PCSK2: variants seen among roughly 807,000 people sequenced by gnomAD.
PCSK2 encodes proprotein convertase subtilisin/kexin type 2.
Under a neutral mutation model 69.7 loss-of-function variants are expected in PCSK2, and 14 were observed. That is an observed-to-expected ratio of 0.20 (90% CI 0.13 to 0.31). The LOEUF is 0.31. Among genes scored for constraint, PCSK2 ranks in the 10% least tolerant of loss-of-function variants. The pLI, the probability that PCSK2 is intolerant of heterozygous loss-of-function variation, is 1.00. For missense variants in PCSK2, 544 were observed against 842.5 expected, an observed-to-expected ratio of 0.65 and a Z score of 4.39; for synonymous variants, 307 against 320.7, an observed-to-expected ratio of 0.96 and a Z score of 0.46.
chr20:17,475,613 G>A (rs1450198359), intron 11 of PCSK2, among the ~76,000 whole-genome samples: 2 of 152,128 alleles, frequency 1.3e-5, no homozygotes, highest in Non-Finnish European at 2.9e-5. Flanking sequence ...TTTTCCACAA[G>A]GCAAGCAATG....
intron 5 of PCSK2, among the ~76,000 whole-genome samples, chr20:17,383,090 G>T (rs182260960): frequency 4.6e-5 from 7 of 152,172 alleles, no homozygotes; most frequent in Non-Finnish European, 1.0e-4. Flanking sequence ...CTCTTTATCC[G>T]CAGCACAGCA....
At chr20:17,275,975 T>TC (rs1368319977) in intron 2 of PCSK2, among the ~76,000 whole-genome samples, 1 of 152,136 alleles carries the variant, frequency 6.6e-6, no homozygotes, top group Non-Finnish European at 1.5e-5. Context: ...ATATTACTTA[T>TC]CTGAAAGGTT....
At chr20:17,318,912 T>C (rs982793783) in intron 2 of PCSK2, among the ~76,000 whole-genome samples, 1 of 152,210 alleles carries the variant, frequency 6.6e-6, no homozygotes, top group Non-Finnish European at 1.5e-5. Context: ...TCAATTCAGC[T>C]GCAATCAGAA....
intron 10 of PCSK2, among the ~76,000 whole-genome samples, chr20:17,458,130 A>C (rs552065712): frequency 1.2e-4 from 18 of 152,314 alleles, no homozygotes; most frequent in African/African-American, 4.1e-4. Context: ...AAGAGGAAAA[A>C]AATATAACAC....
intron 8 of PCSK2, among the ~76,000 whole-genome samples, chr20:17,439,920 CA>C (rs2032561842): frequency 2.0e-5 from 3 of 152,170 alleles, no homozygotes; most frequent in African/African-American, 7.2e-5. Context: ...TCACGGGTCC[CA>C]GGGGAAGGAA....
At chr20:17,435,277 T>C (rs1157193197) in intron 7 of PCSK2, among the ~76,000 whole-genome samples, 1 of 152,240 alleles carries the variant, frequency 6.6e-6, no homozygotes, top group Non-Finnish European at 1.5e-5. Context: ...CCAAGCATCA[T>C]GTTGATCCTC....
chr20:17,348,087 GAAAGAAAGAA>G (rs1568612749), intron 2 of PCSK2, among the ~76,000 whole-genome samples: 1 of 141,290 alleles, frequency 7.1e-6, no homozygotes, highest in East Asian at 2.1e-4. Context: ...AAGAAAGAAA[GAAAGAAAGAA>G]AGAAAGAAAA....
intron 1 of PCSK2, among the ~76,000 whole-genome samples, chr20:17,254,861 C>T (rs1275704777): frequency 6.6e-6 from 1 of 152,144 alleles, no homozygotes; most frequent in Non-Finnish European, 1.5e-5. Context: ...ATGCTTTGTA[C>T]TTTTCAGTGT....
chr20:17,261,089 T>C (rs1240350713), intron 2 of PCSK2, among the ~76,000 whole-genome samples: 3 of 152,156 alleles, frequency 2.0e-5, no homozygotes, highest in Non-Finnish European at 4.4e-5. Context: ...CCTTTCAGAA[T>C]AGGACCTTTA....
intron 11 of PCSK2, among the ~76,000 whole-genome samples, chr20:17,470,171 C>T (rs2033176102): frequency 6.6e-6 from 1 of 152,182 alleles, no homozygotes; most frequent in Admixed American, 6.5e-5. Flanking sequence ...AGAATAATTT[C>T]TTGAGAAATT....
chr20:17,289,212 C>A (rs186241523), intron 2 of PCSK2, among the ~76,000 whole-genome samples: 1 of 152,254 alleles, frequency 6.6e-6, no homozygotes, highest in African/African-American at 2.4e-5. Context: ...TAGTCAATAT[C>A]TAGGTTGAAG....
chr20:17,284,051 T>C (rs16998907), intron 2 of PCSK2, among the ~76,000 whole-genome samples: 13,322 of 152,232 alleles, frequency 0.088, 710 homozygotes, highest in African/African-American at 0.14. Flanking sequence ...AGCCCTGACT[T>C]TTGTGGGCAT....
chr20:17,380,572 C>T (rs144407249), intron 5 of PCSK2, among the ~76,000 whole-genome samples: 111 of 152,204 alleles, frequency 7.3e-4, no homozygotes, highest in African/African-American at 2.4e-3. Flanking sequence ...CTGATCTTAC[C>T]GGTGATTGTG....
intron 5 of PCSK2, among the ~76,000 whole-genome samples, chr20:17,373,568 A>C (rs2030837436): frequency 6.6e-6 from 1 of 152,196 alleles, no homozygotes; most frequent in African/African-American, 2.4e-5. Flanking sequence ...TAAAATAAAT[A>C]GACATGTTCT....
intron 7 of PCSK2, 56 bp downstream of exon 7, chr20:17,429,579 C>T (rs1462011171): frequency 8.7e-7 from 1 of 1,151,070 alleles, no homozygotes; most frequent in Non-Finnish European, 1.3e-6. Context: ...GATCTCAAGG[C>T]TGACTGTGGC....
chr20:17,412,198 T>C (rs183965820), intron 6 of PCSK2, among the ~76,000 whole-genome samples: 11 of 152,192 alleles, frequency 7.2e-5, no homozygotes, highest in African/African-American at 2.4e-4. Flanking sequence ...TTGACAGAAG[T>C]AGGCTTCAGA....
intron 2 of PCSK2, among the ~76,000 whole-genome samples, chr20:17,303,456 TAAATATAATATATATTATATA>T: frequency 1.8e-5 from 1 of 55,300 alleles, no homozygotes; most frequent in East Asian, 2.7e-4. Context: ...TATATTATAT[TAAATATAATATATATTATATA>T]TAATATATAT....
In PCSK2 at chr20:17,481,668, G is replaced by A. The variant is rs143437832; in HGVS notation, c.1515G>A (p.Glu505=). 242 of 1,614,150 alleles carry A rather than the reference G, an allele frequency of 1.5e-4. 1 individual carries two copies. In the African/African-American group the frequency reaches 2.4e-3, roughly 16 times the overall value. ...AGGAAAATTTTGTCCGCTACCTGGA[G>A]CATGTCCAGGCTGTCATCACGGTCA... ...EGKENFVRYL[E]HVQAVITVNA... Residue 505 remains glutamate, a synonymous_variant, in exon 12 of 12, where the codon GAG becomes GAA. Coordinates refer to ENST00000262545, the MANE Select transcript of PCSK2 (RefSeq NM_002594.5).
chr20:17,381,004 A>G (rs1263902492), intron 5 of PCSK2, among the ~76,000 whole-genome samples: 4 of 152,118 alleles, frequency 2.6e-5, no homozygotes, highest in Admixed American at 6.5e-5. Flanking sequence ...ACAAGCTTTC[A>G]TCACAGGGTT....
Sources: gnomAD v4.1 joint callset for allele counts (sites outside exome capture counted in the v4.1 genomes callset) on GRCh38, gnomAD v4.1.1 for gene constraint, MANE v1.5 for transcripts, NCBI Gene and HGNC (gene_info 2026-07-23, HGNC 2026-07-21) for gene names.